SYNE3: variants seen among roughly 807,000 people sequenced by gnomAD.
SYNE3 encodes spectrin repeat containing nuclear envelope family member 3.
A neutral mutation model predicts 111.2 loss-of-function variants in SYNE3; 100 were observed. The observed-to-expected ratio is 0.90, with a 90% CI of 0.77 to 1.06. SYNE3 has a LOEUF of 1.06. SYNE3 is among the 50% of genes least tolerant of loss of function. The pLI is 0.00. For synonymous variants in SYNE3, 547 were observed against 533.9 expected (o/e 1.02, Z -0.34); for missense variants, 1,160 against 1,240.3 (o/e 0.94, Z 0.97).
At position 95,440,088 on chromosome 14, in the gene SYNE3, C is replaced by T; in HGVS notation, c.1912-13G>A. 1 of 1,586,676 alleles carries T rather than the reference C, an allele frequency of 6.3e-7. No homozygotes were observed. Among genetic ancestry groups the T allele is most frequent in the Non-Finnish European group, 8.5e-7 (1 of 1,170,284 alleles). ...TGTCCACAAGGTCCTGCAGCACAGC[C>T]CGGGGAGCCCAGGGCATCCTGAGTG... On this transcript the variant is annotated splice_polypyrimidine_tract_variant and intron_variant, in intron 11 of 17. Transcript: ENST00000682763.
At chr14:95,460,377 T>TG (rs1566668587) in intron 4 of SYNE3, among the ~76,000 whole-genome samples, 1 of 148,078 alleles carries the variant, frequency 6.8e-6, no homozygotes, top group African/African-American at 2.5e-5. Flanking sequence ...GTTTTTTTTT[T>TG]TTTTTTTTTT....
At chr14:95,441,632 A>C (rs1886421857) in intron 11 of SYNE3, among the ~76,000 whole-genome samples, 1 of 152,216 alleles carries the variant, frequency 6.6e-6, no homozygotes, top group Non-Finnish European at 1.5e-5. Context: ...ATTTGGATGG[A>C]GGTATTAGGA....
chr14:95,426,236 T>G (rs764146207), intron 17 of SYNE3, among the ~76,000 whole-genome samples: 24 of 151,910 alleles, frequency 1.6e-4, no homozygotes, highest in Non-Finnish European at 2.5e-4. Flanking sequence ...ACGGACGGAG[T>G]GGCGAGGCCG....
Position 95,479,295 on chromosome 14 carries a change from G to A in SYNE3, c.-14-3460C>T, listed in dbSNP as rs564367078. ...TCACTTGAGTCCGGAAGGTCCAGGC[G>A]GCATTGAGCTATGATGGTACCACTG... On this transcript the variant is annotated intron_variant, in intron 1 of 17. Transcript: ENST00000682763. 8.6e-5 allele frequency among the ~76,000 whole-genome samples: 13 copies of A among 150,788 alleles called. No homozygotes were observed. The South Asian group carries it at 1.5e-3, about 17-fold the overall frequency.
intron 6 of SYNE3, among the ~76,000 whole-genome samples, chr14:95,454,353 C>T (rs1887280564): frequency 6.6e-6 from 1 of 152,250 alleles, no homozygotes; most frequent in African/African-American, 2.4e-5. Flanking sequence ...GATGTATAAC[C>T]ACAGGCAAGT....
intron 17 of SYNE3, among the ~76,000 whole-genome samples, chr14:95,425,826 G>A (rs1347288761): frequency 6.6e-6 from 1 of 152,226 alleles, no homozygotes; most frequent in Non-Finnish European, 1.5e-5. Context: ...AATATGGACT[G>A]TGGATTAAAT....
At position 95,443,197 on chromosome 14, in the gene SYNE3, G is replaced by T; in HGVS notation, c.1869C>A (p.Asp623Glu). 2 of 1,614,166 alleles carry T rather than the reference G, an allele frequency of 1.2e-6. No individual in the cohort carries two copies. Among genetic ancestry groups the T allele is most frequent in the Non-Finnish European group, 1.7e-6 (2 of 1,180,024 alleles). ...QENPNHQHKM[D>E]QLSSDFQALQ... Reference sequence around the variant, plus strand: ...GGGCCTGGAAGTCGGAGGAAAGCTGGTCCATTTTGTGCTGGTGGTTGGGGT... The same window carrying T: ...GGGCCTGGAAGTCGGAGGAAAGCTGTTCCATTTTGTGCTGGTGGTTGGGGT... The change falls in exon 11 of 18, where the codon GAC becomes GAA. Residue 623 changes from aspartate to glutamate, a missense_variant. Coordinates refer to ENST00000682763, the MANE Select transcript of SYNE3 (RefSeq NM_152592.6).
At chr14:95,502,476 G>A (rs895051203) in intron 1 of SYNE3, among the ~76,000 whole-genome samples, 6 of 152,228 alleles carry the variant, frequency 3.9e-5, no homozygotes, top group Admixed American at 2.6e-4. Context: ...AGCTGCCACA[G>A]GCTCTCAGAT....
intron 8 of SYNE3, among the ~76,000 whole-genome samples, chr14:95,448,660 C>G (rs1223284175): frequency 1.3e-5 from 2 of 152,196 alleles, no homozygotes; most frequent in African/African-American, 4.8e-5. Flanking sequence ...TGCACTCCAG[C>G]CTGGGTGATA....
At chr14:95,484,162 G>A (rs541309278) in intron 1 of SYNE3, among the ~76,000 whole-genome samples, 1 of 152,338 alleles carries the variant, frequency 6.6e-6, no homozygotes, top group South Asian at 2.1e-4. Flanking sequence ...ACAAATACAG[G>A]TGTTTGAGAG....
intron 17 of SYNE3, among the ~76,000 whole-genome samples, chr14:95,431,826 CCT>C (rs1566958687): frequency 6.6e-6 from 1 of 152,200 alleles, no homozygotes; most frequent in Non-Finnish European, 1.5e-5. Flanking sequence ...TCCAAGATCC[CCT>C]CTCTGCTATG....
chr14:95,436,780 G>A (rs768700866), intron 15 of SYNE3, 40 bp downstream of exon 15: 5 of 1,606,404 alleles, frequency 3.1e-6, no homozygotes, highest in Admixed American at 3.3e-5. Context: ...CTCTGTGGGT[G>A]CAAACCTTAT....
intron 2 of SYNE3, among the ~76,000 whole-genome samples, chr14:95,473,132 C>G (rs1487676931): frequency 6.6e-6 from 1 of 152,122 alleles, no homozygotes; most frequent in African/African-American, 2.4e-5. Flanking sequence ...TGGCAAAACA[C>G]ACAGTAAATG....
At chr14:95,503,610 CTTTTTTTTT>C (rs386382233) in intron 1 of SYNE3, among the ~76,000 whole-genome samples, 2 of 91,884 alleles carry the variant, frequency 2.2e-5, no homozygotes, top group Non-Finnish European at 2.1e-5. Context: ...TCAGAACTAC[CTTTTTTTTT>C]TTTTTTTTTT....
intron 1 of SYNE3, among the ~76,000 whole-genome samples, chr14:95,506,142 G>A (rs1890520444): frequency 6.6e-6 from 1 of 152,172 alleles, no homozygotes; most frequent in Non-Finnish European, 1.5e-5. Flanking sequence ...CCCTGGGCTT[G>A]TACCACCAAA....
rs1347605407 is a variant in SYNE3 at position 95,416,419 on chromosome 14, G to A, written c.*1407C>T. ...AACAGACAAAATCCATTTGTAGAGA[G>A]TGGGCATTAAGTACTTTTTTAAAGG... On this transcript the variant is annotated 3_prime_UTR_variant, in exon 18 of 18. Transcript: ENST00000682763. The A allele has an allele frequency of 6.6e-6, 1 of 152,252 alleles. No homozygotes were observed. Among genetic ancestry groups the A allele is most frequent in the Non-Finnish European group, 1.5e-5 (1 of 68,048 alleles). The allele number at this position is 152,252 out of a possible 1,614,324, so 9.4% of individuals were successfully genotyped here. A position where few individuals can be genotyped will look rare whatever the true frequency, so the allele number is the denominator to read the frequency against.
chr14:95,510,331 C>A (rs1217451963), intron 1 of SYNE3, among the ~76,000 whole-genome samples: 1 of 152,166 alleles, frequency 6.6e-6, no homozygotes, highest in Non-Finnish European at 1.5e-5. Flanking sequence ...CTCCACTGCC[C>A]AGGGGAGCAT....
intron 17 of SYNE3, among the ~76,000 whole-genome samples, chr14:95,422,049 T>C (rs896401994): frequency 2.0e-5 from 3 of 152,184 alleles, no homozygotes; most frequent in Admixed American, 6.5e-5. Context: ...ACATTAGTCT[T>C]ATGCTTTACC....
intron 1 of SYNE3, among the ~76,000 whole-genome samples, chr14:95,514,611 G>A (rs79455354): frequency 0.1 from 15,223 of 152,288 alleles, 921 homozygotes; most frequent in Non-Finnish European, 0.13. Flanking sequence ...AACACCTGCC[G>A]TGCTATGGTT....
Sources: gnomAD v4.1 joint callset for allele counts (sites outside exome capture counted in the v4.1 genomes callset) on GRCh38, gnomAD v4.1.1 for gene constraint, MANE v1.5 for transcripts, NCBI Gene and HGNC (gene_info 2026-07-23, HGNC 2026-07-21) for gene names.